IMPG1: variants seen among roughly 807,000 people sequenced by gnomAD.
IMPG1 encodes interphotoreceptor matrix proteoglycan 1.
In IMPG1, 85 loss-of-function variants were observed where a neutral mutation model predicts 92.0. That is an observed-to-expected ratio of 0.92 (90% CI 0.78 to 1.11). The LOEUF (loss-of-function observed/expected upper bound fraction) is 1.11, where lower values mean the gene tolerates loss of function less well. Among genes scored for constraint, IMPG1 ranks in the 50% least tolerant of loss-of-function variants. IMPG1 has a pLI of 0.00. For missense variants in IMPG1, 1,022 were observed against 956.0 expected (o/e 1.07, Z -0.91); for synonymous variants, 367 against 334.1 (o/e 1.10, Z -1.08).
At chr6:75,953,340 C>T (rs928299673) in intron 12 of IMPG1, among the ~76,000 whole-genome samples, 6 of 152,032 alleles carry the variant, frequency 3.9e-5, no homozygotes, top group African/African-American at 7.2e-5. Flanking sequence ...CACAGGTATA[C>T]ATGTGCCATG....
chr6:75,930,881 C>A (rs932687418), intron 15 of IMPG1, 72 bp downstream of exon 15: 2 of 1,332,594 alleles, frequency 1.5e-6, no homozygotes, highest in Non-Finnish European at 2.1e-6. Context: ...TATGAATTTA[C>A]TCTAATGATG....
At chr6:75,939,514 T>C (rs753977384) in intron 14 of IMPG1, among the ~76,000 whole-genome samples, 28 of 152,240 alleles carry the variant, frequency 1.8e-4, no homozygotes, top group Non-Finnish European at 3.8e-4. Flanking sequence ...TCCATGTCCC[T>C]ACAAAGGACA....
intron 4 of IMPG1, among the ~76,000 whole-genome samples, chr6:76,033,142 A>C (rs1245260391): frequency 6.6e-6 from 1 of 152,220 alleles, no homozygotes; most frequent in Non-Finnish European, 1.5e-5. Context: ...ACCAGGAGCC[A>C]GACACAGAGA....
intron 15 of IMPG1, among the ~76,000 whole-genome samples, chr6:75,924,682 T>TATAATTA (rs1430344585): frequency 0.012 from 30 of 2,528 alleles, 8 homozygotes; most frequent in South Asian, 0.062. Context: ...ATATATTATA[T>TATAATTA]ATTATATATA....
intron 7 of IMPG1, among the ~76,000 whole-genome samples, chr6:76,018,172 AT>A (rs574079316): frequency 3.3e-5 from 5 of 152,118 alleles, no homozygotes; most frequent in Admixed American, 1.3e-4. Context: ...TATATACTAC[AT>A]TTTTTTTCCA....
intron 8 of IMPG1, among the ~76,000 whole-genome samples, chr6:76,009,952 T>G (rs1362984763): frequency 6.6e-6 from 1 of 152,242 alleles, no homozygotes; most frequent in Non-Finnish European, 1.5e-5. Context: ...ATGCAGAATA[T>G]TTTTCTATCA....
At position 75,996,722 on chromosome 6, in the gene IMPG1, ATGTAATAACTTGAGGTTGG is replaced by A. The variant is rs1471261426; in HGVS notation, c.1291+6177_1291+6195del. Among the ~76,000 whole-genome samples, 52 of 152,310 alleles carry A rather than the reference ATGTAATAACTTGAGGTTGG, an allele frequency of 3.4e-4. No homozygotes were observed. In the East Asian group the frequency reaches 4.2e-3, roughly 12 times the overall value. ...ACTGACATGTCAAGACAGGACAGCTATGTAATAACTTGAGGTTGGTGACTGGGTGGTGCTGCACTATGGC... is the reference window on the plus strand; with the variant it reads ...ACTGACATGTCAAGACAGGACAGCTATGACTGGGTGGTGCTGCACTATGGC... On this transcript the variant is annotated intron_variant, in intron 12 of 16. Transcript: ENST00000369950.
intron 1 of IMPG1, among the ~76,000 whole-genome samples, chr6:76,060,533 C>T (rs146772707): frequency 3.5e-4 from 53 of 152,262 alleles, no homozygotes; most frequent in African/African-American, 1.2e-3. Flanking sequence ...GCACCCTCCT[C>T]CTTTATTACA....
intron 14 of IMPG1, among the ~76,000 whole-genome samples, chr6:75,936,135 T>C (rs1027116961): frequency 1.3e-5 from 2 of 152,216 alleles, no homozygotes; most frequent in African/African-American, 4.8e-5. Context: ...GCCTGGCTTC[T>C]AGAAATTGTC....
At chr6:75,932,030 A>C (rs1451797792) in intron 14 of IMPG1, among the ~76,000 whole-genome samples, 1 of 152,266 alleles carries the variant, frequency 6.6e-6, no homozygotes, top group African/African-American at 2.4e-5. Context: ...CTGCCCCAGA[A>C]GGTCTCCTGT....
chr6:76,040,084 G>T (rs1390872322), intron 2 of IMPG1, among the ~76,000 whole-genome samples: 2 of 152,094 alleles, frequency 1.3e-5, no homozygotes, highest in Non-Finnish European at 2.9e-5. Context: ...GAACCAATTT[G>T]TTCGACTTAA....
rs1205297518 is a variant in IMPG1, at chr6:75,929,031, T to C, written c.2243+1922A>G. ...TAACCATTTCCCTATTGATGGGCTATACAATTGTTTCATGACTCAAAGCAG... is the reference window on the plus strand; with the variant it reads ...TAACCATTTCCCTATTGATGGGCTACACAATTGTTTCATGACTCAAAGCAG... On this transcript the variant is annotated intron_variant, in intron 15 of 16. Coordinates refer to ENST00000369950, the MANE Select transcript of IMPG1 (RefSeq NM_001563.4). 6.6e-5 allele frequency among the ~76,000 whole-genome samples: 10 copies of C among 152,250 alleles called. No individual in the cohort carries two copies. The East Asian group carries it at 1.7e-3, about 26-fold the overall frequency.
Position 76,059,757 on chromosome 6 carries a change from A to G in IMPG1, c.67+12665T>C, listed in dbSNP as rs1784174383. On this transcript the variant is annotated intron_variant, in intron 1 of 16. Coordinates refer to ENST00000369950, the MANE Select transcript of IMPG1 (RefSeq NM_001563.4). ...TCTCTGCCTTAGGTTTCCAACCATA[A>G]ATGAACGCAAATTAGTTTGAACTTT... Among the ~76,000 whole-genome samples the G allele has an allele frequency of 2.0e-5, 3 of 152,182 alleles. No homozygotes were observed. In the South Asian group the frequency reaches 6.2e-4, roughly 31 times the overall value.
chr6:75,965,572 T>C (rs1373865064), intron 12 of IMPG1, among the ~76,000 whole-genome samples: 1 of 151,800 alleles, frequency 6.6e-6, no homozygotes, highest in Non-Finnish European at 1.5e-5. Flanking sequence ...TTTTAATTGT[T>C]ATGAGAATTG....
rs1405140250 is a variant in IMPG1, at chr6:75,947,434, CA to C, written c.1923del (p.Phe641LeufsTer32). 6.2e-7 allele frequency: 1 copy of C among 1,613,898 alleles called. No individual in the cohort carries two copies. Among genetic ancestry groups the C allele is most frequent in the Non-Finnish European group, 8.5e-7 (1 of 1,179,858 alleles). ...GTGAGGTTATACGGCACTGACTTAG[CA>C]AACTTCATTTTGCTATTCACAATCA... ...GSVIVNSKMK[F>X]AKSVPYNLTK... On this transcript the variant is annotated frameshift_variant, in exon 14 of 17. Coordinates refer to ENST00000369950, the MANE Select transcript of IMPG1 (RefSeq NM_001563.4). LOFTEE classifies it high-confidence loss of function.
At chr6:75,950,456 G>A in intron 13 of IMPG1, 106 bp downstream of exon 13, 1 of 1,046,110 alleles carries the variant, frequency 9.6e-7, no homozygotes, top group Non-Finnish European at 1.3e-6. Flanking sequence ...TTGGCGGTTT[G>A]TTTCTACTAA....
intron 10 of IMPG1, among the ~76,000 whole-genome samples, chr6:76,004,726 A>G (rs571484598): frequency 6.6e-6 from 1 of 152,144 alleles, no homozygotes; most frequent in East Asian, 1.9e-4. Context: ...GTTGAATAAT[A>G]TGGACTATAT....
In IMPG1 at chr6:76,072,014, ATACT is replaced by A. The variant is rs761966842; in HGVS notation, c.67+404_67+407del. ...TGATTTCATTGTGAGAAGGTAAGAA[ATACT>A]TACTTTTTTTTGTCTGACCATAAAT... On this transcript the variant is annotated intron_variant, in intron 1 of 16. Transcript: ENST00000369950. 6.6e-5 allele frequency among the ~76,000 whole-genome samples: 10 copies of A among 152,256 alleles called. No individual in the cohort carries two copies. In the South Asian group the frequency reaches 1.7e-3, roughly 25 times the overall value.
chr6:75,956,511 C>T (rs775173766), intron 12 of IMPG1, among the ~76,000 whole-genome samples: 7 of 152,078 alleles, frequency 4.6e-5, no homozygotes, highest in South Asian at 2.1e-4. Context: ...GTCTGGTTAG[C>T]GGTCTATTTT....
Sources: gnomAD v4.1 joint callset for allele counts (sites outside exome capture counted in the v4.1 genomes callset) on GRCh38, gnomAD v4.1.1 for gene constraint, MANE v1.5 for transcripts, NCBI Gene and HGNC (gene_info 2026-07-23, HGNC 2026-07-21) for gene names.